Variants in UNC13C observed in about 807,000 individuals in gnomAD.
UNC13C encodes unc-13 homolog C, also known as protein unc-13 homolog C.
UNC13C carries 174 observed loss-of-function variants against 245.4 expected under a neutral mutation model. That is an observed-to-expected ratio of 0.71 (90% CI 0.63 to 0.80). The LOEUF is 0.80. UNC13C is among the 30% of genes least tolerant of loss of function. The pLI is 0.00. For missense variants in UNC13C, 2,829 were observed against 2,602.9 expected, an observed-to-expected ratio of 1.09 and a Z score of -1.89; for synonymous variants, 992 against 895.1, an observed-to-expected ratio of 1.11 and a Z score of -1.93.
At chr15:54,114,723 C>G (rs904394127) in intron 2 of UNC13C, among the ~76,000 whole-genome samples, 4 of 152,036 alleles carry the variant, frequency 2.6e-5, no homozygotes, top group Non-Finnish European at 5.9e-5. Context: ...AATTTTGGGG[C>G]AAAGAGATTA....
chr15:54,566,124 T>G (rs1897501803), intron 29 of UNC13C, among the ~76,000 whole-genome samples: 1 of 151,984 alleles, frequency 6.6e-6, no homozygotes, highest in South Asian at 2.1e-4. Flanking sequence ...GCACAGTTAT[T>G]TCTTTGGATG....
At chr15:54,113,087 T>TG (rs2029936399) in intron 2 of UNC13C, among the ~76,000 whole-genome samples, 1 of 58,522 alleles carries the variant, frequency 1.7e-5, no homozygotes, top group Non-Finnish European at 5.3e-5. Flanking sequence ...TTAGGCGAGA[T>TG]TTTTTTTTTC....
At chr15:54,064,597 G>A (rs1897990402) in intron 2 of UNC13C, among the ~76,000 whole-genome samples, 1 of 152,154 alleles carries the variant, frequency 6.6e-6, no homozygotes, top group South Asian at 2.1e-4. Flanking sequence ...ATAATTAAAT[G>A]GACATATTCC....
chr15:54,208,572 T>C (rs2034785492), intron 4 of UNC13C, among the ~76,000 whole-genome samples: 1 of 152,078 alleles, frequency 6.6e-6, no homozygotes, highest in Non-Finnish European at 1.5e-5. Flanking sequence ...GTAGAAATGA[T>C]AGATAATAAA....
intron 14 of UNC13C, among the ~76,000 whole-genome samples, chr15:54,328,688 A>G (rs537475579): frequency 3.7e-4 from 56 of 152,020 alleles, no homozygotes; most frequent in Middle Eastern, 6.8e-3. Flanking sequence ...CCTGGGGGGA[A>G]CTTCCTGAAG....
intron 4 of UNC13C, among the ~76,000 whole-genome samples, chr15:54,196,956 G>C (rs1401900995): frequency 1.3e-5 from 2 of 152,046 alleles, no homozygotes; most frequent in African/African-American, 2.4e-5. Context: ...TATTGTTTTG[G>C]AGATTCTAAG....
At chr15:54,609,771 T>G (rs1362714620) in intron 30 of UNC13C, among the ~76,000 whole-genome samples, 2 of 152,164 alleles carry the variant, frequency 1.3e-5, no homozygotes, top group Admixed American at 1.3e-4. Context: ...TATCCAAGAC[T>G]GGGTAATTTC....
the UNC13C span, among the ~76,000 whole-genome samples, chr15:53,844,351 T>C: frequency 1.5e-3 from 222 of 152,284 alleles, no homozygotes; most frequent in Middle Eastern, 0.021. Flanking sequence ...GCAGATTTTA[T>C]TCAGACTACT....
chr15:54,577,649 A>C (rs2141232816), intron 30 of UNC13C, among the ~76,000 whole-genome samples: 1 of 152,112 alleles, frequency 6.6e-6, no homozygotes. Context: ...TTTCCTAGAA[A>C]ACTCTCTCTT....
At chr15:54,499,779 A>G (rs1025391618) in intron 20 of UNC13C, among the ~76,000 whole-genome samples, 2 of 152,166 alleles carry the variant, frequency 1.3e-5, no homozygotes, top group Non-Finnish European at 2.9e-5. Context: ...AAGAGAGCAC[A>G]CAAGGTCTAC....
At chr15:54,200,763 G>A (rs909406174) in intron 4 of UNC13C, among the ~76,000 whole-genome samples, 1 of 151,792 alleles carries the variant, frequency 6.6e-6, no homozygotes, top group African/African-American at 2.4e-5. Context: ...TCATGGAACT[G>A]GAGAAACAAG....
intron 30 of UNC13C, among the ~76,000 whole-genome samples, chr15:54,596,339 C>T (rs2414325): frequency 0.46 from 69,452 of 151,978 alleles, 16,718 homozygotes; most frequent in East Asian, 0.67. Context: ...ACTAATTTCC[C>T]GCAAGGAAGG....
intron 4 of UNC13C, among the ~76,000 whole-genome samples, chr15:54,156,471 A>C (rs567721600): frequency 1.3e-5 from 2 of 152,206 alleles, no homozygotes. Flanking sequence ...TCAGGAAACA[A>C]TACTTGAAAC....
intron 28 of UNC13C, among the ~76,000 whole-genome samples, chr15:54,554,670 G>A (rs1404825556): frequency 6.6e-6 from 1 of 152,010 alleles, no homozygotes; most frequent in Non-Finnish European, 1.5e-5. Context: ...TTTGTTGAGT[G>A]TTGTCGAATA....
intron 19 of UNC13C, among the ~76,000 whole-genome samples, chr15:54,481,030 C>T (rs920917900): frequency 1.3e-5 from 2 of 152,144 alleles, no homozygotes; most frequent in African/African-American, 4.8e-5. Flanking sequence ...ACCTATGTAA[C>T]TATAGTATTG....
chr15:54,149,612 C>T (rs753127926), intron 4 of UNC13C, among the ~76,000 whole-genome samples: 1 of 152,116 alleles, frequency 6.6e-6, no homozygotes, highest in African/African-American at 2.4e-5. Flanking sequence ...TTGTTAATTT[C>T]TTCTTCCACA....
chr15:54,350,692 G>A (rs1206920290), intron 17 of UNC13C, among the ~76,000 whole-genome samples: 3 of 152,124 alleles, frequency 2.0e-5, no homozygotes, highest in African/African-American at 7.2e-5. Context: ...TCTGCCCCAC[G>A]TGGCCATACA....
intron 13 of UNC13C, among the ~76,000 whole-genome samples, chr15:54,319,273 G>A (rs529578405): frequency 9.5e-5 from 14 of 147,242 alleles, no homozygotes; most frequent in Admixed American, 3.4e-4. Flanking sequence ...TCTGACAAAT[G>A]TAATTACTTG....
chr15:54,416,528 T>C (rs2040524934), intron 19 of UNC13C, among the ~76,000 whole-genome samples: 1 of 152,142 alleles, frequency 6.6e-6, no homozygotes, highest in South Asian at 2.1e-4. Context: ...GACCCAGCCC[T>C]TCCTACCTCT....
Sources: gnomAD v4.1 joint callset for allele counts (sites outside exome capture counted in the v4.1 genomes callset) on GRCh38, gnomAD v4.1.1 for gene constraint, MANE v1.5 for transcripts, NCBI Gene and HGNC (gene_info 2026-07-23, HGNC 2026-07-21) for gene names.